The following SRGAP1 variants were observed in gnomAD, a reference collection of about 807,000 sequenced individuals.
SRGAP1 encodes the protein SLIT-ROBO Rho GTPase-activating protein 1.
In SRGAP1, 43 loss-of-function variants were observed where a neutral mutation model predicts 121.9. The ratio of observed to expected loss-of-function variants is 0.35; its 90% CI spans 0.28 to 0.46. The LOEUF (loss-of-function observed/expected upper bound fraction) is 0.46. Ranked by LOEUF, SRGAP1 falls within the 20% of genes least tolerant of loss-of-function variation. The pLI, the probability that SRGAP1 is intolerant of heterozygous loss-of-function variation, is 1.00. For missense variants in SRGAP1, 1,102 were observed against 1,350.9 expected (o/e 0.82, Z 2.89); for synonymous variants, 447 against 485.4 (o/e 0.92, Z 1.04).
At chr12:63,951,036 C>G (rs79744665) in intron 1 of SRGAP1, among the ~76,000 whole-genome samples, 1 of 148,480 alleles carries the variant, frequency 6.7e-6, no homozygotes, top group South Asian at 2.1e-4. Context: ...TCCTAGAGAA[C>G]GGGAAGGGAT....
rs1225903688 is a variant in SRGAP1, at chr12:64,023,071, A to T, written c.489+6059A>T. Among the ~76,000 whole-genome samples the T allele has an allele frequency of 2.6e-5, 4 of 152,140 alleles. No individual in the cohort carries two copies. In the East Asian group the frequency reaches 7.7e-4, roughly 29 times the overall value. On this transcript the variant is annotated intron_variant, in intron 4 of 21. Coordinates refer to ENST00000355086, the MANE Select transcript of SRGAP1 (RefSeq NM_020762.4). ...CATCATCGCCCTCTTTATCAGTGAA[A>T]TGGGGATGGCCCCAGCTTCATGTCA...
Position 63,860,451 on chromosome 12 carries a change from T to C in SRGAP1, c.67+15568T>C, listed in dbSNP as rs988805517. ...TTTTTCTGTTTTCTGCAGGAGTTCA[T>C]GTTAGATTGGAATTATCTGACTCTT... is the stretch of plus-strand genomic sequence containing the variant. On this transcript the variant is annotated intron_variant, in intron 1 of 21. Coordinates refer to ENST00000355086, the MANE Select transcript of SRGAP1 (RefSeq NM_020762.4). Among the ~76,000 whole-genome samples, 13 of 152,222 alleles carry C rather than the reference T, an allele frequency of 8.5e-5. 1 individual carries two copies. The highest frequency in any genetic ancestry group is 1.5e-5 in the Non-Finnish European group (1 of 68,034).
intron 1 of SRGAP1, among the ~76,000 whole-genome samples, chr12:63,868,595 C>T (rs1899746084): frequency 6.6e-6 from 1 of 152,156 alleles, no homozygotes; most frequent in South Asian, 2.1e-4. Context: ...CTCCTGGGCT[C>T]AAGCGATATG....
intron 1 of SRGAP1, among the ~76,000 whole-genome samples, chr12:63,966,507 T>A (rs992939940): frequency 7.9e-5 from 12 of 152,228 alleles, no homozygotes; most frequent in African/African-American, 2.9e-4. Flanking sequence ...CCACAGAATT[T>A]ATGACCAAAT....
chr12:64,116,091 C>CA (rs1325403362), intron 18 of SRGAP1, 198 bp downstream of exon 18: 3 of 493,132 alleles, frequency 6.1e-6, no homozygotes, highest in South Asian at 2.1e-5. Flanking sequence ...CCCATCTCTA[C>CA]AAAAAAATAC....
At chr12:63,949,122 A>ATGTATTTTCCATATATATACATTCATATG (rs2032181950) in intron 1 of SRGAP1, among the ~76,000 whole-genome samples, 2 of 140,196 alleles carry the variant, frequency 1.4e-5, no homozygotes, top group South Asian at 4.4e-4. Context: ...ACATTCATAT[A>ATGTATTTTCCATATATATACATTCATATG]TGTATTTTCC....
At chr12:64,064,442 A>C (rs1433015266) in intron 7 of SRGAP1, among the ~76,000 whole-genome samples, 1 of 152,220 alleles carries the variant, frequency 6.6e-6, no homozygotes, top group African/African-American at 2.4e-5. Context: ...CTTGAAGTTC[A>C]TGGTGAATCA....
At position 64,147,420 on chromosome 12, in the gene SRGAP1, C is replaced by T; in HGVS notation, c.*4748C>T. 1.1e-5 allele frequency: 2 copies of T among 181,108 alleles called. No homozygotes were observed. The highest frequency in any genetic ancestry group is 1.1e-5 in the Non-Finnish European group (1 of 89,724). 11.2% of individuals were successfully genotyped at this position (181,108 alleles called of 1,614,324 possible). On this transcript the variant is annotated 3_prime_UTR_variant, in exon 22 of 22. Coordinates refer to ENST00000355086, the MANE Select transcript of SRGAP1 (RefSeq NM_020762.4). ...GAGTGTTTCGAAGCTTCCTCCCTGT[C>T]CCCCACCTTCCCCATCCCCGCCTTC...
Position 64,142,830 on chromosome 12 carries a change from A to G in SRGAP1, c.*158A>G. Reference sequence around the variant, plus strand: ...GAATGTAATGTCTGAGACTAGCTAAATTAACACGGGCATTTGTATTTTGTA... The same window carrying G: ...GAATGTAATGTCTGAGACTAGCTAAGTTAACACGGGCATTTGTATTTTGTA... On this transcript the variant is annotated 3_prime_UTR_variant, in exon 22 of 22. Transcript: ENST00000355086. The G allele has an allele frequency of 1.0e-6, 1 of 954,280 alleles. No individual in the cohort carries two copies. The highest frequency in any genetic ancestry group is 3.4e-4 in the Middle Eastern group (1 of 2,930). 59.1% of individuals were successfully genotyped at this position (954,280 alleles called of 1,614,324 possible).
At chr12:64,134,420 C>CA (rs750862183) in intron 21 of SRGAP1, among the ~76,000 whole-genome samples, 6,874 of 119,286 alleles carry the variant, frequency 0.058, 257 homozygotes, top group Middle Eastern at 0.14. Context: ...GACTCCATCT[C>CA]AAAAAAAAAA....
chr12:63,997,688 GTGTT>G (rs1375439479), intron 3 of SRGAP1, among the ~76,000 whole-genome samples: 4 of 152,110 alleles, frequency 2.6e-5, no homozygotes, highest in Non-Finnish European at 5.9e-5. Context: ...AGGTATACCA[GTGTT>G]TGTTTGCTGT....
chr12:64,083,250 C>T (rs1281304038), intron 10 of SRGAP1, among the ~76,000 whole-genome samples: 2 of 152,070 alleles, frequency 1.3e-5, no homozygotes, highest in Non-Finnish European at 2.9e-5. Flanking sequence ...GGGGACAGTC[C>T]TGACTTTTTA....
intron 1 of SRGAP1, among the ~76,000 whole-genome samples, chr12:63,864,828 T>G (rs1246453558): frequency 6.6e-6 from 1 of 151,764 alleles, no homozygotes; most frequent in Non-Finnish European, 1.5e-5. Flanking sequence ...GAAATCCAAA[T>G]AAAGGATGAA....
chr12:63,868,282 CA>C (rs908361861), intron 1 of SRGAP1, among the ~76,000 whole-genome samples: 14 of 151,378 alleles, frequency 9.2e-5, no homozygotes, highest in Non-Finnish European at 1.9e-4. Context: ...GGGGTCTCAC[CA>C]GGTTGGCCAG....
Position 63,895,666 on chromosome 12 carries a change from C to T in SRGAP1, c.67+50783C>T, listed in dbSNP as rs569982184. Among the ~76,000 whole-genome samples the T allele has an allele frequency of 2.6e-5, 4 of 152,310 alleles. No individual in the cohort carries two copies. In the South Asian group the frequency reaches 6.2e-4, roughly 24 times the overall value. On this transcript the variant is annotated intron_variant, in intron 1 of 21. Coordinates refer to ENST00000355086, the MANE Select transcript of SRGAP1 (RefSeq NM_020762.4). ...CAGGCAGAGCCTTTAACCTAGTAAC[C>T]TCCCATTTCCTTTGGGTAAAATGAG...
chr12:63,918,264 C>T (rs1035793340), intron 1 of SRGAP1, among the ~76,000 whole-genome samples: 4 of 152,084 alleles, frequency 2.6e-5, no homozygotes, highest in Non-Finnish European at 4.4e-5. Flanking sequence ...CCCTCCTCCC[C>T]CCATTACCCT....
intron 8 of SRGAP1, 84 bp from the exon 9 acceptor site, chr12:64,078,835 T>C: frequency 6.9e-7 from 1 of 1,450,886 alleles, no homozygotes; most frequent in Non-Finnish European, 9.4e-7. Flanking sequence ...TGTGTCCTCA[T>C]CTCTACCTGA....
chr12:63,907,079 T>G (rs1403609152), intron 1 of SRGAP1, among the ~76,000 whole-genome samples: 1 of 152,212 alleles, frequency 6.6e-6, no homozygotes, highest in African/African-American at 2.4e-5. Context: ...CTTGTTATTA[T>G]CTGACTTTTT....
chr12:64,116,761 A>C (rs2036530735), intron 18 of SRGAP1, among the ~76,000 whole-genome samples: 1 of 152,192 alleles, frequency 6.6e-6, no homozygotes, highest in South Asian at 2.1e-4. Context: ...ATGTATGCCT[A>C]GGAGTAACCG....
Sources: allele counts gnomAD v4.1 joint callset (sites outside exome capture counted in the v4.1 genomes callset), GRCh38; gene constraint gnomAD v4.1.1; transcripts MANE v1.5; gene names NCBI Gene and HGNC (gene_info 2026-07-23, HGNC 2026-07-21).